FAM210A: variants seen among roughly 807,000 people sequenced by gnomAD.
The protein encoded by FAM210A is family with sequence similarity 210 member A.
A neutral mutation model predicts 25.3 loss-of-function variants in FAM210A; 13 were observed. The observed-to-expected ratio is 0.51, with a 90% CI of 0.33 to 0.82. FAM210A has a LOEUF of 0.82. Among genes scored for constraint, FAM210A ranks in the 40% least tolerant of loss-of-function variants. FAM210A has a pLI of 0.02. For synonymous variants in FAM210A, 125 were observed against 118.7 expected (o/e 1.05, Z -0.35); for missense variants, 319 against 323.2 (o/e 0.99, Z 0.10).
At chr18:13,704,015 G>A (rs747339716) in intron 1 of FAM210A, among the ~76,000 whole-genome samples, 3 of 152,142 alleles carry the variant, frequency 2.0e-5, no homozygotes, top group African/African-American at 4.8e-5. Flanking sequence ...ATAACTAGTT[G>A]TTTAAAAAGA....
intron 1 of FAM210A, among the ~76,000 whole-genome samples, chr18:13,718,348 TGTATAAAAGCAGCAACCTTAG>T (rs2043876325): frequency 6.6e-6 from 1 of 152,146 alleles, no homozygotes; most frequent in Non-Finnish European, 1.5e-5. Context: ...TGAGTACAAC[TGTATAAAAGCAGCAACCTTAG>T]GTTTAGTCAT....
chr18:13,703,973 T>C (rs932035489), intron 1 of FAM210A, among the ~76,000 whole-genome samples: 5 of 152,134 alleles, frequency 3.3e-5, no homozygotes, highest in Admixed American at 2.6e-4. Flanking sequence ...GGAGAAACAA[T>C]CTTGTATGGT....
Position 13,705,819 on chromosome 18 carries a change from C to A in FAM210A, c.-29+20510G>T, listed in dbSNP as rs143147055. On this transcript the variant is annotated intron_variant, in intron 1 of 3. Coordinates refer to ENST00000651643, the MANE Select transcript of FAM210A (RefSeq NM_152352.4). Reference sequence around the variant, plus strand: ...ATGTTTAGTTTGTCAAACCCACGTGCCTGAGAAGACCATGAAAGCTTCAGG... The same window carrying A: ...ATGTTTAGTTTGTCAAACCCACGTGACTGAGAAGACCATGAAAGCTTCAGG... 1.4e-4 allele frequency among the ~76,000 whole-genome samples: 21 copies of A among 152,244 alleles called. No individual in the cohort carries two copies. The East Asian group carries it at 4.1e-3, about 29-fold the overall frequency.
chr18:13,707,036 G>T (rs888595640), intron 1 of FAM210A, among the ~76,000 whole-genome samples: 1 of 152,196 alleles, frequency 6.6e-6, no homozygotes, highest in Non-Finnish European at 1.5e-5. Context: ...TCTCTCAGAG[G>T]TTTTAAATGT....
chr18:13,707,347 A>G (rs1211181468), intron 1 of FAM210A, among the ~76,000 whole-genome samples: 3 of 152,226 alleles, frequency 2.0e-5, no homozygotes, highest in Non-Finnish European at 4.4e-5. Context: ...CACTCCTGTT[A>G]AATCTGACAT....
At position 13,666,669 on chromosome 18, in the gene FAM210A, A is replaced by G. The variant is rs1227475454; in HGVS notation, c.630T>C (p.Ser210=). Reference sequence around the variant, plus strand: ...GACTGCGCAGATACTTCACAGTGACAGATGTTCCTCCCAAAGTCACGGTAT... The same window carrying G: ...GACTGCGCAGATACTTCACAGTGACGGATGTTCCTCCCAAAGTCACGGTAT... ...ARYTVTLGGT[S]VTVKYLRSHG... is the part of the protein sequence containing the mutation. Residue 210 remains serine, a synonymous_variant, in exon 4 of 4, where the codon TCT becomes TCC. Transcript: ENST00000651643. 6 of 1,614,202 alleles carry G rather than the reference A, an allele frequency of 3.7e-6. No individual in the cohort carries two copies. The highest frequency in any genetic ancestry group is 1.7e-5 in the Admixed American group (1 of 60,024).
chr18:13,686,387 T>C (rs2043597119), intron 1 of FAM210A, among the ~76,000 whole-genome samples: 1 of 152,228 alleles, frequency 6.6e-6, no homozygotes, highest in Admixed American at 6.5e-5. Flanking sequence ...TAATTCACAA[T>C]CTATAGCTTA....
At chr18:13,721,900 A>G (rs746543265) in intron 1 of FAM210A, among the ~76,000 whole-genome samples, 8 of 152,148 alleles carry the variant, frequency 5.3e-5, no homozygotes, top group African/African-American at 9.7e-5. Context: ...ACTTACCCTG[A>G]TAAGCCATAG....
rs2043559579 is a variant in FAM210A, at chr18:13,682,023, C to T, written c.55G>A (p.Glu19Lys). The T allele has an allele frequency of 1.2e-6, 2 of 1,613,068 alleles. No individual in the cohort carries two copies. The highest frequency in any genetic ancestry group is 2.7e-5 in the African/African-American group (2 of 74,856). ...CCAAAGAGACCAGCATTATGTGGTT[C>T]CAAGCATGTCCTGCGTGCCAGTCGA... Reference protein sequence around the residue: ...VSRLARRTCLEPHNAGLFGHC... With the variant: ...VSRLARRTCLKPHNAGLFGHC... The change falls in exon 2 of 4, where the codon GAA becomes AAA. Residue 19 changes from glutamate (E) to lysine (K), a missense_variant. Transcript: ENST00000651643.
At position 13,702,097 on chromosome 18, in the gene FAM210A, C is replaced by CG. The variant is rs1338199684; in HGVS notation, c.-28-19993_-28-19992insC. On this transcript the variant is annotated intron_variant, in intron 1 of 3. Coordinates refer to ENST00000651643, the MANE Select transcript of FAM210A (RefSeq NM_152352.4). ...TTTGCTTTGTGTGGCGGCTTGGCCC[C>CG]CAAGGCTGTGGTGCAGCCAGCCAGG... Among the ~76,000 whole-genome samples the CG allele has an allele frequency of 4.6e-5, 7 of 152,288 alleles. No individual in the cohort carries two copies. The South Asian group carries it at 1.5e-3, about 32-fold the overall frequency.
chr18:13,697,116 G>C (rs1232260804), intron 1 of FAM210A, among the ~76,000 whole-genome samples: 1 of 152,138 alleles, frequency 6.6e-6, no homozygotes, highest in Non-Finnish European at 1.5e-5. Context: ...TACCATCTAG[G>C]TTTGGGTAAG....
chr18:13,690,318 C>T (rs1256225135), intron 1 of FAM210A, among the ~76,000 whole-genome samples: 3 of 152,230 alleles, frequency 2.0e-5, no homozygotes, highest in African/African-American at 4.8e-5. Flanking sequence ...GTAGACACCA[C>T]CTCTGAGGTC....
intron 1 of FAM210A, among the ~76,000 whole-genome samples, chr18:13,693,429 C>G (rs181847352): frequency 1.1e-4 from 17 of 152,174 alleles, no homozygotes; most frequent in Admixed American, 7.2e-4. Context: ...AAGCCTGGCA[C>G]AGACACAACC....
chr18:13,709,261 A>C (rs1384064923), intron 1 of FAM210A, among the ~76,000 whole-genome samples: 1 of 152,172 alleles, frequency 6.6e-6, no homozygotes, highest in Non-Finnish European at 1.5e-5. Context: ...AAACTGTAAG[A>C]CCAGGTCCTA....
Position 13,666,618 on chromosome 18 carries a change from G to T in FAM210A, c.681C>A (p.Pro227=). The change falls in exon 4 of 4, where the codon CCC becomes CCA. Residue 227 remains proline, a synonymous_variant. Coordinates refer to ENST00000651643, the MANE Select transcript of FAM210A (RefSeq NM_152352.4). The part of the protein sequence containing the change: ...RSHGYMSTPP[P]VKEYLQDRME... ...TCCTGTCCTGCAGATACTCCTTGAC[G>T]GGTGGCGGCGTGGACATGTAGCCAT... is the stretch of plus-strand genomic sequence containing the variant. The T allele has an allele frequency of 6.2e-7, 1 of 1,614,114 alleles. No homozygotes were observed. Among genetic ancestry groups the T allele is most frequent in the Non-Finnish European group, 8.5e-7 (1 of 1,180,040 alleles).
chr18:13,669,282 A>G (rs758734218), intron 3 of FAM210A, among the ~76,000 whole-genome samples: 1 of 152,144 alleles, frequency 6.6e-6, no homozygotes, highest in African/African-American at 2.4e-5. Flanking sequence ...TTTTGATGGA[A>G]CAGAGGCAGG....
chr18:13,664,954 C>G lies in FAM210A; in HGVS notation c.*1526G>C, dbSNP rs1229006055. The G allele has an allele frequency of 6.6e-6, 1 of 152,644 alleles. No individual in the cohort carries two copies. Among genetic ancestry groups the G allele is most frequent in the Admixed American group, 6.5e-5 (1 of 15,284 alleles). The allele number at this position is 152,644 out of a possible 1,614,324, so 9.5% of individuals were successfully genotyped here. A position where few individuals can be genotyped will look rare whatever the true frequency, so the allele number is the denominator to read the frequency against. On this transcript the variant is annotated 3_prime_UTR_variant, in exon 4 of 4. Transcript: ENST00000651643. Reference sequence around the variant, plus strand: ...TGAAGGGTTAGAACTGAAATAGTCACTGTTAGAGCACAGGAAATAGACACT... The same window carrying G: ...TGAAGGGTTAGAACTGAAATAGTCAGTGTTAGAGCACAGGAAATAGACACT...
intron 3 of FAM210A, among the ~76,000 whole-genome samples, chr18:13,667,683 G>A (rs1046892196): frequency 4.6e-5 from 7 of 151,860 alleles, no homozygotes; most frequent in African/African-American, 1.5e-4. Flanking sequence ...GTACCATTGC[G>A]CTCCAGCCTG....
At chr18:13,721,212 T>C (rs1490733338) in intron 1 of FAM210A, among the ~76,000 whole-genome samples, 1 of 152,150 alleles carries the variant, frequency 6.6e-6, no homozygotes, top group Non-Finnish European at 1.5e-5. Flanking sequence ...AGTGAAGGTG[T>C]ATTTTTGGCT....
Sources: gnomAD v4.1 joint callset for allele counts (sites outside exome capture counted in the v4.1 genomes callset) on GRCh38, gnomAD v4.1.1 for gene constraint, MANE v1.5 for transcripts, NCBI Gene and HGNC (gene_info 2026-07-23, HGNC 2026-07-21) for gene names.